NOTCH2: variants seen among roughly 807,000 people sequenced by gnomAD.
The protein encoded by NOTCH2 is neurogenic locus notch homolog protein 2.
In NOTCH2, 29 loss-of-function variants were observed where a neutral mutation model predicts 235.8. The observed-to-expected ratio is 0.12, with a 90% CI of 0.09 to 0.17. The LOEUF (loss-of-function observed/expected upper bound fraction) is 0.17, where lower values mean the gene tolerates loss of function less well. Ranked by LOEUF, NOTCH2 falls within the 10% of genes least tolerant of loss-of-function variation. NOTCH2 has a pLI of 1.00. For synonymous variants in NOTCH2, 1,086 were observed against 1,141.5 expected (o/e 0.95, Z 0.98); for missense variants, 2,285 against 3,150.2 (o/e 0.73, Z 6.57).
In NOTCH2 at chr1:119,914,924, C is replaced by T. The variant is rs1269936133; in HGVS notation, c.*382G>A. Reference sequence around the variant, plus strand: ...TTCCAGGGCATAATTCCCAACAGGACGCTAGTGTAGAATCTTCTCATGGAT... The same window carrying T: ...TTCCAGGGCATAATTCCCAACAGGATGCTAGTGTAGAATCTTCTCATGGAT... On this transcript the variant is annotated 3_prime_UTR_variant, in exon 34 of 34. Transcript: ENST00000256646. The T allele has an allele frequency of 2.3e-5, 9 of 389,874 alleles. No homozygotes were observed. The highest frequency in any genetic ancestry group is 1.2e-4 in the South Asian group (4 of 33,444). 24.2% of individuals were successfully genotyped at this position (389,874 alleles called of 1,614,324 possible).
intron 2 of NOTCH2, among the ~76,000 whole-genome samples, chr1:120,029,591 C>T (rs1334684643): frequency 3.9e-5 from 6 of 152,208 alleles, no homozygotes; most frequent in South Asian, 2.1e-4. Flanking sequence ...CCTCGTGATT[C>T]GCCCAACACA....
rs587773759 is a variant in NOTCH2 at position 120,004,795 on chromosome 1, C to T, written c.415+534G>A. 5.9e-5 allele frequency among the ~76,000 whole-genome samples: 9 copies of T among 151,940 alleles called. No individual in the cohort carries two copies. In the South Asian group the frequency reaches 1.9e-3, roughly 32 times the overall value. Reference sequence around the variant, plus strand: ...TGGTGTACATATTTTTTTTTTGAGACAGGGTCTCACTCTGTCACCCAGGCT... The same window carrying T: ...TGGTGTACATATTTTTTTTTTGAGATAGGGTCTCACTCTGTCACCCAGGCT... On this transcript the variant is annotated intron_variant, in intron 3 of 33. Transcript: ENST00000256646.
chr1:120,029,951 T>C lies in NOTCH2; in HGVS notation c.110A>G (p.Asn37Ser), dbSNP rs782653854. The C allele has an allele frequency of 1.4e-6, 1 of 713,756 alleles. No individual in the cohort carries two copies. The highest frequency in any genetic ancestry group is 2.4e-6 in the Non-Finnish European group (1 of 411,928). The allele number at this position is 713,756 out of a possible 1,614,324, so 44.2% of individuals were successfully genotyped here. ...GTGGTAGGTAACACACATTCCTTCA[T>C]TTACACAGGGTTCATAGCCATCTCG... ...QCRDGYEPCV[N>S]EGMCVTYHNG... The change falls in exon 2 of 34, where the codon AAT becomes AGT. Residue 37 changes from asparagine to serine, a missense_variant. Around this residue, in one of 6 missense-constraint regions of NOTCH2, gnomAD observed 12 missense variants for 51.7 expected, o/e 0.23. Coordinates refer to ENST00000256646, the MANE Select transcript of NOTCH2 (RefSeq NM_024408.4).
intron 1 of NOTCH2, among the ~76,000 whole-genome samples, chr1:120,055,560 C>G (rs1329552427): frequency 2.6e-5 from 3 of 115,766 alleles, no homozygotes; most frequent in Non-Finnish European, 3.6e-5. Flanking sequence ...TTATAAATAT[C>G]TCAGACTGTA....
chr1:119,920,048 C>T (rs1172548549), intron 30 of NOTCH2, among the ~76,000 whole-genome samples, 181 bp downstream of exon 30: 1 of 152,224 alleles, frequency 6.6e-6, no homozygotes, highest in Non-Finnish European at 1.5e-5. Context: ...TGAAATCCTT[C>T]CCTTTCTGAG....
chr1:119,916,236 G>A lies in NOTCH2; in HGVS notation c.6486C>T (p.Ser2162=), dbSNP rs372865598. ...TAATCATTGGAGAGGATGTGGTGTCGGAAACATACGTGTGAGGAGATTCTA... is the reference window on the plus strand; with the variant it reads ...TAATCATTGGAGAGGATGTGGTGTCAGAAACATACGTGTGAGGAGATTCTA... ...DSLESPHTYV[S]DTTSSPMITS... Residue 2162 remains serine (S), a synonymous_variant, in exon 34 of 34, where the codon TCC becomes TCT. Transcript: ENST00000256646. The A allele has an allele frequency of 1.6e-4, 263 of 1,614,068 alleles. 3 individuals are homozygous for A. The highest frequency in any genetic ancestry group is 6.3e-4 in the Admixed American group (38 of 60,010).
In NOTCH2 at chr1:120,069,323, C is replaced by T; in HGVS notation, c.73+11G>A. The T allele has an allele frequency of 6.4e-7, 1 of 1,563,830 alleles. No individual in the cohort carries two copies. The highest frequency in any genetic ancestry group is 1.8e-5 in the Admixed American group (1 of 56,606). ...GGCGCCGCGGACAGCGCCCCTCAGCCCGATACTCACCATGCGCGGGGGCCG... is the reference window on the plus strand; with the variant it reads ...GGCGCCGCGGACAGCGCCCCTCAGCTCGATACTCACCATGCGCGGGGGCCG... On this transcript the variant is annotated intron_variant, in intron 1 of 33. Coordinates refer to ENST00000256646, the MANE Select transcript of NOTCH2 (RefSeq NM_024408.4).
chr1:119,952,921 A>C (rs1650537250), intron 14 of NOTCH2, among the ~76,000 whole-genome samples: 1 of 152,246 alleles, frequency 6.6e-6, no homozygotes, highest in Non-Finnish European at 1.5e-5. Context: ...CCATATATCT[A>C]TTTGAACTAT....
Position 119,997,272 on chromosome 1 carries a change from C to G in NOTCH2, c.476G>C (p.Cys159Ser), listed in dbSNP as rs2101211890. The G allele has an allele frequency of 6.2e-7, 1 of 1,614,024 alleles. No individual in the cohort carries two copies. ...GGAGAACTGGTTGGCCACAGTGGTA[C>G]AGGTACTTCCATTTGCACAGGGATG... ...LSHPCANGST[C>S]TTVANQFSCK... is the part of the protein sequence containing the mutation. The change falls in exon 4 of 34, where the codon TGT becomes TCT. Residue 159 changes from cysteine (C) to serine (S), a missense_variant. By Grantham distance (112) the Cys-to-Ser change is moderately radical. This residue lies in a region of NOTCH2 where 431 missense variants were observed against 757.8 expected (regional missense o/e 0.57). Coordinates refer to ENST00000256646, the MANE Select transcript of NOTCH2 (RefSeq NM_024408.4).
Position 119,940,565 on chromosome 1 carries a change from T to C in NOTCH2, c.3173A>G (p.Lys1058Arg), listed in dbSNP as rs1650028766. Residue 1058 changes from lysine to arginine, a missense_variant, in exon 19 of 34, where the codon AAA (lysine) becomes AGA (arginine). Transcript: ENST00000256646. Reference sequence around the variant, plus strand: ...AAGGAAGTCAATTACCTGACAGTTTTTCCCAGTGTAGCCCAGGGGGCAGCT... The same window carrying C: ...AAGGAAGTCAATTACCTGACAGTTTCTCCCAGTGTAGCCCAGGGGGCAGCT... The part of the protein sequence containing the change: ...RCSCPLGYTG[K>R]NCQTLVNLCS... The C allele has an allele frequency of 6.2e-7, 1 of 1,613,520 alleles. No homozygotes were observed.
intron 21 of NOTCH2, 44 bp from the exon 22 acceptor site, chr1:119,935,648 C>T: frequency 6.2e-7 from 1 of 1,609,716 alleles, no homozygotes; most frequent in Non-Finnish European, 8.5e-7. Context: ...TGGACCATTA[C>T]TGGAAACAGA....
At chr1:119,997,428 G>C in intron 3 of NOTCH2, 96 bp from the exon 4 acceptor site, 1 of 1,125,986 alleles carries the variant, frequency 8.9e-7, no homozygotes, top group South Asian at 1.2e-5. Context: ...CTTGCGTGGA[G>C]AAGACCTCAA....
intron 1 of NOTCH2, among the ~76,000 whole-genome samples, chr1:120,037,151 CTG>C (rs1350536314): frequency 1.3e-5 from 2 of 152,146 alleles, no homozygotes; most frequent in African/African-American, 4.8e-5. Context: ...AGTGTGGTAT[CTG>C]TGCTTAGACC....
intron 13 of NOTCH2, among the ~76,000 whole-genome samples, 179 bp downstream of exon 13, chr1:119,954,861 G>T (rs782223708): frequency 6.6e-6 from 1 of 152,184 alleles, no homozygotes; most frequent in Non-Finnish European, 1.5e-5. Context: ...CTTATGGAAG[G>T]GAGGGGCCAG....
In NOTCH2 at chr1:119,969,661, C is replaced by T. The variant is rs1651285672; in HGVS notation, c.958G>A (p.Gly320Arg). 1 of 1,614,058 alleles carries T rather than the reference C, an allele frequency of 6.2e-7. No individual in the cohort carries two copies. The highest frequency in any genetic ancestry group is 1.3e-5 in the African/African-American group (1 of 74,934). The part of the protein sequence containing the change: ...QNGGTCANRN[G>R]GYGCVCVNGW... ...TTGACACATACACAGCCATAGCCTC[C>T]ATTGCGGTTGGCACAGGTGCCCCCA... Residue 320 changes from glycine (G) to arginine (R), a missense_variant, in exon 6 of 34, where the codon GGA (glycine) becomes AGA (arginine). Gly to Arg is a moderately radical substitution (Grantham distance 125). Around this residue, in one of 6 missense-constraint regions of NOTCH2, gnomAD observed 431 missense variants for 757.8 expected, o/e 0.57. Coordinates refer to ENST00000256646, the MANE Select transcript of NOTCH2 (RefSeq NM_024408.4).
intron 19 of NOTCH2, 152 bp from the exon 20 acceptor site, chr1:119,938,162 C>G: frequency 1.2e-6 from 1 of 834,522 alleles, no homozygotes; most frequent in Non-Finnish European, 1.9e-6. Flanking sequence ...AAACTAGATT[C>G]AGTGTTCCGA....
Position 119,916,665 on chromosome 1 carries a change from C to A in NOTCH2, c.6057G>T (p.Arg2019=). The change falls in exon 34 of 34, where the codon CGG becomes CGT. Residue 2019 remains arginine, a synonymous_variant. Transcript: ENST00000256646. The part of the protein sequence containing the change: ...KEETPLFLAA[R]EGSYEAAKIL... ...TCTTGGCTGCTTCATAGCTCCCCTCCCGGGCAGCAAGAAACAGAGGTGTCT... is the reference window on the plus strand; with the variant it reads ...TCTTGGCTGCTTCATAGCTCCCCTCACGGGCAGCAAGAAACAGAGGTGTCT... 1 of 1,614,160 alleles carries A rather than the reference C, an allele frequency of 6.2e-7. No homozygotes were observed. Among genetic ancestry groups the A allele is most frequent in the South Asian group, 1.1e-5 (1 of 91,070 alleles).
chr1:119,913,038 G>A lies in NOTCH2; in HGVS notation c.*2268C>T, dbSNP rs760478020. ...AGCTGATACTTTCAGAAGTGGGGCT[G>A]GAGCAGGAGGGCAGAAAGGGGCAGG... On this transcript the variant is annotated 3_prime_UTR_variant, in exon 34 of 34. Coordinates refer to ENST00000256646, the MANE Select transcript of NOTCH2 (RefSeq NM_024408.4). 3 of 233,494 alleles carry A rather than the reference G, an allele frequency of 1.3e-5. No individual in the cohort carries two copies. Among genetic ancestry groups the A allele is most frequent in the Non-Finnish European group, 2.5e-5 (3 of 118,178 alleles). 14.5% of individuals were successfully genotyped at this position (233,494 alleles called of 1,614,324 possible).
intron 3 of NOTCH2, among the ~76,000 whole-genome samples, chr1:120,000,150 C>CT (rs1652690861): frequency 6.6e-6 from 1 of 151,878 alleles, no homozygotes; most frequent in African/African-American, 2.4e-5. Flanking sequence ...AGTAAGCTGA[C>CT]TGAGGTATAG....
Sources: allele counts gnomAD v4.1 joint callset (sites outside exome capture counted in the v4.1 genomes callset), GRCh38; gene constraint gnomAD v4.1.1; regional missense constraint gnomAD v4.1.1; transcripts MANE v1.5; gene names NCBI Gene and HGNC (gene_info 2026-07-23, HGNC 2026-07-21).